The following MTARC1 variants were observed in gnomAD, a reference collection of about 807,000 sequenced individuals.
MTARC1 encodes mitochondrial amidoxime-reducing component 1.
In MTARC1, 24 loss-of-function variants were observed where a neutral mutation model predicts 33.6. That is an observed-to-expected ratio of 0.72 (90% CI 0.52 to 1.01). The LOEUF (loss-of-function observed/expected upper bound fraction) is 1.01, where lower values mean the gene tolerates loss of function less well. Among genes scored for constraint, MTARC1 ranks in the 50% least tolerant of loss-of-function variants. The pLI, the probability that MTARC1 is intolerant of heterozygous loss-of-function variation, is 0.00. For missense variants in MTARC1, 417 were observed against 445.7 expected (o/e 0.94, Z 0.58); for synonymous variants, 187 against 189.5 (o/e 0.99, Z 0.11).
intron 2 of MTARC1, among the ~76,000 whole-genome samples, chr1:220,794,903 A>G (rs942933089): frequency 6.6e-6 from 1 of 152,208 alleles, no homozygotes; most frequent in Non-Finnish European, 1.5e-5. Context: ...TTACGCTTCA[A>G]TAAAAAGTTT....
intron 1 of MTARC1, among the ~76,000 whole-genome samples, chr1:220,788,453 T>C (rs2642423): frequency 0.99 from 151,183 of 152,308 alleles, 75,049 homozygotes; most frequent in Middle Eastern, 1. Flanking sequence ...GTGAGTGACG[T>C]ATGCATCTTT....
chr1:220,812,491 G>A lies in MTARC1; in HGVS notation c.888-801G>A, dbSNP rs76976464. Reference sequence around the variant, plus strand: ...GTCTGAGCATGCTGGAAGCAAGATCGTGACAGTCGGAATGAGGAAAAGCAA... The same window carrying A: ...GTCTGAGCATGCTGGAAGCAAGATCATGACAGTCGGAATGAGGAAAAGCAA... On this transcript the variant is annotated intron_variant, in intron 6 of 6. Transcript: ENST00000366910. Among the ~76,000 whole-genome samples the A allele has an allele frequency of 2.2e-3, 342 of 152,304 alleles. 9 individuals are homozygous for A. The East Asian group carries it at 0.05, about 22-fold the overall frequency.
In MTARC1 at chr1:220,797,942, G is replaced by T. The variant is rs147708341; in HGVS notation, c.681G>T (p.Arg227Ser). 3.7e-6 allele frequency: 6 copies of T among 1,614,084 alleles called. No homozygotes were observed. Among genetic ancestry groups the T allele is most frequent in the Non-Finnish European group, 5.1e-6 (6 of 1,180,046 alleles). ...SEASLADLNSRLEKKVKATNF... is the reference protein window; with the variant it reads ...SEASLADLNSSLEKKVKATNF... Reference sequence around the variant, plus strand: ...CGTCGCTGGCGGATCTCAACTCCAGGCTAGAGAAGAAAGTTAAAGCAACCA... The same window carrying T: ...CGTCGCTGGCGGATCTCAACTCCAGTCTAGAGAAGAAAGTTAAAGCAACCA... Residue 227 changes from arginine (R) to serine (S), a missense_variant, in exon 4 of 7, where the codon AGG (arginine) becomes AGT (serine). Coordinates refer to ENST00000366910, the MANE Select transcript of MTARC1 (RefSeq NM_022746.4).
At chr1:220,798,944 A>G in intron 4 of MTARC1, 1 of 985,396 alleles carries the variant, frequency 1.0e-6, no homozygotes, top group Non-Finnish European at 1.2e-6. Flanking sequence ...GAAATAATCT[A>G]AGAATTTGAT....
chr1:220,813,200 G>A (rs988357794), intron 6 of MTARC1, 92 bp from the exon 7 acceptor site: 6 of 1,555,474 alleles, frequency 3.9e-6, no homozygotes, highest in South Asian at 1.1e-5. Flanking sequence ...CGAGCTGTGC[G>A]TGCGGAGGCC....
In MTARC1 at chr1:220,810,608, G is replaced by A. The variant is rs555321450; in HGVS notation, c.888-2684G>A. On this transcript the variant is annotated intron_variant, in intron 6 of 6. Transcript: ENST00000366910. ...GTGCAGTTTAGGGAGGCTGTGCCGA[G>A]AGGGGCAGCCGCTCTTTACGGTCCT... Among the ~76,000 whole-genome samples, 6 of 152,376 alleles carry A rather than the reference G, an allele frequency of 3.9e-5. No individual in the cohort carries two copies. In the South Asian group the frequency reaches 1.2e-3, roughly 32 times the overall value.
At chr1:220,797,477 A>G (rs1010459811) in intron 3 of MTARC1, among the ~76,000 whole-genome samples, 9 of 152,238 alleles carry the variant, frequency 5.9e-5, no homozygotes, top group Non-Finnish European at 1.2e-4. Flanking sequence ...CAACATAAAT[A>G]TTAATTTGTA....
At chr1:220,788,428 T>C (rs1672310719) in intron 1 of MTARC1, among the ~76,000 whole-genome samples, 2 of 152,174 alleles carry the variant, frequency 1.3e-5, no homozygotes, top group East Asian at 1.9e-4. Flanking sequence ...GGGCAATTCA[T>C]GACATAGTTG....
Position 220,797,918 on chromosome 1 carries a change from G to A in MTARC1, c.657G>A (p.Ala219=), listed in dbSNP as rs367747861. The change falls in exon 4 of 7, where the codon GCG becomes GCA. Residue 219 remains alanine, a synonymous_variant. Transcript: ENST00000366910. The part of the protein sequence containing the change: ...DTSPFLILSE[A]SLADLNSRLE... ...GCCCATTCTTGATCCTTTCTGAGGC[G>A]TCGCTGGCGGATCTCAACTCCAGGC... 64 of 1,614,080 alleles carry A rather than the reference G, an allele frequency of 4.0e-5. No individual in the cohort carries two copies. The highest frequency in any genetic ancestry group is 1.1e-4 in the African/African-American group (8 of 74,930).
chr1:220,798,023 A>G lies in MTARC1; in HGVS notation c.753+9A>G, dbSNP rs919035001. The G allele has an allele frequency of 7.4e-6, 12 of 1,614,094 alleles. No homozygotes were observed. Among genetic ancestry groups the G allele is most frequent in the African/African-American group, 4.0e-5 (3 of 74,944 alleles). On this transcript the variant is annotated intron_variant, in intron 4 of 6. Coordinates refer to ENST00000366910, the MANE Select transcript of MTARC1 (RefSeq NM_022746.4). Reference sequence around the variant, plus strand: ...GCGATGTCTATGCAGAGGTAACACTATGCCCCTTTGGATCTTTCCTTGGAT... The same window carrying G: ...GCGATGTCTATGCAGAGGTAACACTGTGCCCCTTTGGATCTTTCCTTGGAT...
chr1:220,795,077 A>T (rs968411106), intron 2 of MTARC1, among the ~76,000 whole-genome samples: 2 of 152,226 alleles, frequency 1.3e-5, no homozygotes, highest in African/African-American at 2.4e-5. Flanking sequence ...AAATCCATTT[A>T]TACATTATTA....
At chr1:220,807,811 C>T (rs544403813) in intron 6 of MTARC1, among the ~76,000 whole-genome samples, 2 of 152,184 alleles carry the variant, frequency 1.3e-5, no homozygotes, top group Admixed American at 1.3e-4. Flanking sequence ...ACCATCAGAA[C>T]AAACCAGAAT....
intron 1 of MTARC1, among the ~76,000 whole-genome samples, chr1:220,788,692 G>A (rs968652015): frequency 6.6e-6 from 1 of 151,974 alleles, no homozygotes; most frequent in Non-Finnish European, 1.5e-5. Flanking sequence ...GGGAGACTGA[G>A]GCAGGAGAAT....
chr1:220,798,779 G>A, intron 4 of MTARC1: 1 of 882,800 alleles, frequency 1.1e-6, no homozygotes, highest in Non-Finnish European at 1.4e-6. Context: ...AGAAGGGAGA[G>A]GTAAAGGGGA....
intron 4 of MTARC1, among the ~76,000 whole-genome samples, chr1:220,799,733 A>G (rs777932410): frequency 3.5e-4 from 53 of 152,224 alleles, no homozygotes; most frequent in Non-Finnish European, 7.1e-4. Flanking sequence ...GAACCCTGAG[A>G]ATTCTAGGGC....
chr1:220,798,179 C>T, intron 4 of MTARC1, 165 bp downstream of exon 4: 1 of 1,564,206 alleles, frequency 6.4e-7, no homozygotes, highest in East Asian at 2.4e-5. Flanking sequence ...TAAGTGCAGA[C>T]TTCTGTGTGG....
Position 220,791,658 on chromosome 1 carries a change from A to C in MTARC1, c.443A>C (p.Lys148Thr). 6.2e-7 allele frequency: 1 copy of C among 1,614,090 alleles called. No individual in the cohort carries two copies. The highest frequency in any genetic ancestry group is 1.1e-5 in the South Asian group (1 of 91,074). ...ACGCCCACCACAAATGCAGTGCACA[A>C]GTGCAGGTAAGGAAAGGGCAGGTCG... ...IKTPTTNAVH[K>T]CRVHGLEIEG... is the part of the protein sequence containing the mutation. Residue 148 changes from lysine (K) to threonine (T), a missense_variant, in exon 2 of 7, where the codon AAG becomes ACG. Physicochemically the swap from Lys to Thr is moderately conservative, Grantham distance 78. Transcript: ENST00000366910.
In MTARC1 at chr1:220,814,225, A is replaced by G. The variant is rs1673227494; in HGVS notation, c.*807A>G. Reference sequence around the variant, plus strand: ...CTTTAAAGGGGGAAAAGGAAAGCATATGTCAGTTGTTTAAAACCCAATATC... The same window carrying G: ...CTTTAAAGGGGGAAAAGGAAAGCATGTGTCAGTTGTTTAAAACCCAATATC... On this transcript the variant is annotated 3_prime_UTR_variant, in exon 7 of 7. Transcript: ENST00000366910. 6.6e-6 allele frequency: 1 copy of G among 152,236 alleles called. No individual in the cohort carries two copies. The highest frequency in any genetic ancestry group is 2.4e-5 in the African/African-American group (1 of 41,456). The allele number at this position is 152,236 out of a possible 1,614,324, so 9.4% of individuals were successfully genotyped here.
At chr1:220,800,468 G>A (rs1478184961) in intron 4 of MTARC1, among the ~76,000 whole-genome samples, 6 of 152,204 alleles carry the variant, frequency 3.9e-5, no homozygotes, top group East Asian at 3.8e-4. Context: ...GCAGCCAGAC[G>A]TGGGGACGTG....
Sources: gnomAD v4.1 joint callset for allele counts (sites outside exome capture counted in the v4.1 genomes callset) on GRCh38, gnomAD v4.1.1 for gene constraint, MANE v1.5 for transcripts, NCBI Gene and HGNC (gene_info 2026-07-23, HGNC 2026-07-21) for gene names.